The following CDH18 variants were observed in gnomAD, a reference collection of about 807,000 sequenced individuals.
The protein encoded by CDH18 is cadherin-18.
Under a neutral mutation model 67.9 loss-of-function variants are expected in CDH18, and 31 were observed. The observed-to-expected ratio is 0.46, with a 90% confidence interval of 0.34 to 0.62. The LOEUF (loss-of-function observed/expected upper bound fraction) is 0.62. Among genes scored for constraint, CDH18 ranks in the 20% least tolerant of loss-of-function variants. The pLI is 0.01. For synonymous variants in CDH18, 362 were observed against 347.2 expected (o/e 1.04, Z -0.48); for missense variants, 890 against 975.5 (o/e 0.91, Z 1.17).
intron 1 of CDH18, among the ~76,000 whole-genome samples, chr5:20,372,155 C>T (rs1562011299): frequency 6.6e-6 from 1 of 152,086 alleles, no homozygotes; most frequent in Non-Finnish European, 1.5e-5. Context: ...GCTGCTGGAC[C>T]TCCTGAAAAC....
intron 5 of CDH18, among the ~76,000 whole-genome samples, chr5:19,667,814 T>C (rs186596026): frequency 2.7e-4 from 41 of 151,976 alleles, no homozygotes; most frequent in Non-Finnish European, 4.6e-4. Context: ...AACCTTCTGA[T>C]ATACCAATGA....
chr5:19,748,112 C>CAAAA (rs766955714), intron 3 of CDH18, among the ~76,000 whole-genome samples: 1,498 of 14,840 alleles, frequency 0.1, 459 homozygotes, highest in Middle Eastern at 1. Context: ...GACTCCATCT[C>CAAAA]AAAAAAAAAA....
At chr5:19,841,548 C>T in intron 2 of CDH18, among the ~76,000 whole-genome samples, 1 of 146,512 alleles carries the variant, frequency 6.8e-6, no homozygotes, top group South Asian at 2.2e-4. Context: ...CCAAGAGATT[C>T]TTAATTTTCA....
chr5:20,059,129 A>T (rs552241441), intron 2 of CDH18, among the ~76,000 whole-genome samples: 5 of 152,278 alleles, frequency 3.3e-5, no homozygotes, highest in Admixed American at 3.3e-4. Flanking sequence ...AAGTGTTTAT[A>T]GTATTCTCTG....
At chr5:19,627,595 T>C (rs1237392875) in intron 5 of CDH18, among the ~76,000 whole-genome samples, 1 of 152,230 alleles carries the variant, frequency 6.6e-6, no homozygotes, top group Non-Finnish European at 1.5e-5. Flanking sequence ...GAGTAATATA[T>C]ATTCTATAAT....
chr5:19,871,626 G>C (rs1332858569), intron 2 of CDH18, among the ~76,000 whole-genome samples: 1 of 151,862 alleles, frequency 6.6e-6, no homozygotes, highest in Non-Finnish European at 1.5e-5. Flanking sequence ...AAAATAAAAT[G>C]AGATAAGGAT....
chr5:20,052,016 TG>T (rs1449822824), intron 2 of CDH18, among the ~76,000 whole-genome samples: 1 of 152,054 alleles, frequency 6.6e-6, no homozygotes, highest in Non-Finnish European at 1.5e-5. Flanking sequence ...CCATTAACAA[TG>T]GGTAACATTT....
At chr5:20,335,021 T>A (rs868018659) in intron 1 of CDH18, among the ~76,000 whole-genome samples, 5 of 152,168 alleles carry the variant, frequency 3.3e-5, no homozygotes, top group Middle Eastern at 3.4e-3. Context: ...CTGGTCTTTT[T>A]GAGTCTTCTC....
In CDH18 at chr5:19,641,635, A is replaced by G. The variant is rs559938998; in HGVS notation, c.644-29034T>C. On this transcript the variant is annotated intron_variant, in intron 5 of 12. Coordinates refer to ENST00000382275, the MANE Select transcript of CDH18 (RefSeq NM_004934.5). ...TGACAAAATTTAGCATTTATTAATC[A>G]GTAAAATTCTCTCAACAAAATAGGT... 1.1e-4 allele frequency among the ~76,000 whole-genome samples: 17 copies of G among 152,156 alleles called. No individual in the cohort carries two copies. The East Asian group carries it at 3.3e-3, about 29-fold the overall frequency.
rs1298900585 is a variant in CDH18, at chr5:19,521,901, T to TTTTA, written c.1391-1127_1391-1124dup. On this transcript the variant is annotated intron_variant, in intron 9 of 12. Coordinates refer to ENST00000382275, the MANE Select transcript of CDH18 (RefSeq NM_004934.5). ...TAAGAAAGAGGAAATATTTCAAAAT[T>TTTTA]TTTATTTATTTATTTATTTATTTTG... Among the ~76,000 whole-genome samples the TTTTA allele has an allele frequency of 1.1e-4, 16 of 151,992 alleles. No individual in the cohort carries two copies. The East Asian group carries it at 1.2e-3, about 11-fold the overall frequency.
intron 2 of CDH18, among the ~76,000 whole-genome samples, chr5:20,192,361 T>A (rs1738613397): frequency 6.6e-6 from 1 of 152,128 alleles, no homozygotes; most frequent in African/African-American, 2.4e-5. Context: ...TTTAATTAGA[T>A]CCCCTTTGTC....
chr5:19,707,537 C>A (rs1252344273), intron 5 of CDH18, among the ~76,000 whole-genome samples: 1 of 152,172 alleles, frequency 6.6e-6, no homozygotes, highest in Non-Finnish European at 1.5e-5. Flanking sequence ...AGAGGCCCAT[C>A]TCACCCACAG....
intron 2 of CDH18, among the ~76,000 whole-genome samples, chr5:19,897,954 A>G (rs186627442): frequency 7.6e-4 from 115 of 152,214 alleles, no homozygotes; most frequent in Non-Finnish European, 1.3e-3. Context: ...TGAAGGGAAC[A>G]TGGGTGAGTT....
chr5:19,838,786 C>A lies in CDH18; in HGVS notation c.201G>T (p.Met67Ile), dbSNP rs779360240. ...TTCCAACATACTGAGGATCTGGTCC[C>A]ATATGTTCTTCTAAAACAAAGAACT... ...WNQFFVLEEHMGPDPQYVGKL... is the reference protein window; with the variant it reads ...WNQFFVLEEHIGPDPQYVGKL... Residue 67 changes from methionine to isoleucine, a missense_variant, in exon 3 of 13, where the codon ATG (methionine) becomes ATT (isoleucine). By Grantham distance (10) the Met-to-Ile change is conservative (BLOSUM62 1). Transcript: ENST00000382275. The A allele has an allele frequency of 5.6e-6, 9 of 1,612,762 alleles. No individual in the cohort carries two copies. Among genetic ancestry groups the A allele is most frequent in the Non-Finnish European group, 7.6e-6 (9 of 1,178,868 alleles).
chr5:19,885,741 A>G (rs1788123014), intron 2 of CDH18, among the ~76,000 whole-genome samples: 1 of 152,184 alleles, frequency 6.6e-6, no homozygotes, highest in Non-Finnish European at 1.5e-5. Context: ...TTTATTTGCA[A>G]AAATGTAAAA....
intron 1 of CDH18, among the ~76,000 whole-genome samples, chr5:20,546,739 A>G (rs1757365224): frequency 8.8e-6 from 1 of 113,090 alleles, no homozygotes; most frequent in South Asian, 3.7e-4. Context: ...ACCATATCAC[A>G]TACATACATA....
rs1000651009 is a variant in CDH18 at position 19,998,132 on chromosome 5, A to G, written c.-517-6118T>C. 1.2e-4 allele frequency among the ~76,000 whole-genome samples: 18 copies of G among 152,180 alleles called. 1 individual carries two copies. Among genetic ancestry groups the G allele is most frequent in the Middle Eastern group, 3.2e-3 (1 of 316 alleles). On this transcript the variant is annotated intron_variant, in intron 2 of 14. Transcript: ENST00000507958. The stretch of plus-strand genomic sequence containing the variant: ...TGAAATGGTAATATTTGATTTCACA[A>G]CTAGGTCTCTGCCCCGCTGGCAAAG...
At chr5:20,395,004 A>T (rs1379584337) in intron 1 of CDH18, among the ~76,000 whole-genome samples, 1 of 152,220 alleles carries the variant, frequency 6.6e-6, no homozygotes, top group East Asian at 1.9e-4. Flanking sequence ...AATGTAAATT[A>T]GTACAGCATT....
intron 1 of CDH18, among the ~76,000 whole-genome samples, chr5:20,334,128 A>ATTATTTTTTTT (rs1390783093): frequency 1.7e-5 from 2 of 118,348 alleles, no homozygotes; most frequent in African/African-American, 3.5e-5. Context: ...TCTGACTTGA[A>ATTATTTTTTTT]TTCTTTTTTT....
Sources: allele counts gnomAD v4.1 joint callset (sites outside exome capture counted in the v4.1 genomes callset), GRCh38; gene constraint gnomAD v4.1.1; transcripts MANE v1.5; gene names NCBI Gene and HGNC (gene_info 2026-07-23, HGNC 2026-07-21).